Variants in NOS3 observed in about 807,000 individuals in gnomAD.
NOS3 encodes the protein nitric oxide synthase 3.
A neutral mutation model predicts 144.9 loss-of-function variants in NOS3; 98 were observed. That is an observed-to-expected ratio of 0.68 (90% confidence interval 0.57 to 0.80). The LOEUF (loss-of-function observed/expected upper bound fraction) is 0.80. Among genes scored for constraint, NOS3 ranks in the 30% least tolerant of loss-of-function variants. The probability of loss-of-function intolerance (pLI) is 0.00; values close to 1 mark genes in which losing one functional copy is unlikely to be tolerated. For synonymous variants in NOS3, 714 were observed against 702.4 expected (o/e 1.02, Z -0.26); for missense variants, 1,465 against 1,656.4 (o/e 0.88, Z 2.01).
rs1213088597 is a variant in NOS3, at chr7:150,998,230, T to C, written c.583-127T>C. On this transcript the variant is annotated intron_variant, in intron 5 of 26. Transcript: ENST00000297494. The surrounding 1 kb of genome is among the most constrained non-coding windows in gnomAD (Gnocchi z 5.0). The stretch of plus-strand genomic sequence containing the variant: ...AGGAAGGGATCAGTGTGGCTGCCAA[T>C]GGTCAGGAGGGCGCCATGGAGTGAA... 11 of 755,094 alleles carry C rather than the reference T, an allele frequency of 1.5e-5. No homozygotes were observed. The highest frequency in any genetic ancestry group is 2.7e-5 in the East Asian group (1 of 37,356). The allele number at this position is 755,094 out of a possible 1,614,324, so 46.8% of individuals were successfully genotyped here.
chr7:151,013,400 A>C (rs1415036262), intron 25 of NOS3, 21 bp downstream of exon 25: 1 of 1,602,046 alleles, frequency 6.2e-7, no homozygotes, highest in East Asian at 2.2e-5. Context: ...CTGAGGGCGC[A>C]ATGGTAACCT....
At position 151,001,758 on chromosome 7, in the gene NOS3, C is replaced by A. The variant is rs1795104108; in HGVS notation, c.1503-63C>A. 6 of 1,606,324 alleles carry A rather than the reference C, an allele frequency of 3.7e-6. No homozygotes were observed. The South Asian group carries it at 5.5e-5, about 15-fold the overall frequency. Reference sequence around the variant, plus strand: ...AAACCCTGTTGTGAGGGGGTTGGACCCTTGCCTGGGGAGGCCCTGCCTCTG... The same window carrying A: ...AAACCCTGTTGTGAGGGGGTTGGACACTTGCCTGGGGAGGCCCTGCCTCTG... On this transcript the variant is annotated intron_variant, in intron 12 of 26. Coordinates refer to ENST00000297494, the MANE Select transcript of NOS3 (RefSeq NM_000603.5).
chr7:151,009,180 C>T lies in NOS3; in HGVS notation c.2246-9C>T, dbSNP rs1459897710. 1.9e-6 allele frequency: 3 copies of T among 1,613,770 alleles called. No homozygotes were observed. The highest frequency in any genetic ancestry group is 1.3e-5 in the African/African-American group (1 of 74,904). ...TCAGGCTGCCTCATTTGCCCCTCCC[C>T]GCCCCCAGGTCTGATCCACGTGCAC... On this transcript the variant is annotated splice_polypyrimidine_tract_variant and intron_variant, in intron 18 of 26. Coordinates refer to ENST00000297494, the MANE Select transcript of NOS3 (RefSeq NM_000603.5).
At chr7:151,011,102 C>G (rs1795295747) in intron 23 of NOS3, 116 bp downstream of exon 23, 2 of 716,626 alleles carry the variant, frequency 2.8e-6, no homozygotes, top group Non-Finnish European at 4.9e-6. Flanking sequence ...TGTAACATGT[C>G]AAGGGTGTGG....
chr7:150,999,068 G>A lies in NOS3; in HGVS notation c.939G>A (p.Val313=), dbSNP rs1343615594. Reference sequence around the variant, plus strand: ...TGCCCCCCGAGCTGGTCCTTGAGGTGCCCCTGGAGCACCCCACGTGAGCAC... The same window carrying A: ...TGCCCCCCGAGCTGGTCCTTGAGGTACCCCTGGAGCACCCCACGTGAGCAC... The part of the protein sequence containing the change: ...FLLPPELVLE[V]PLEHPTLEWF... The change falls in exon 8 of 27, where the codon GTG becomes GTA. Residue 313 remains valine (V), a synonymous_variant. Transcript: ENST00000297494. The A allele has an allele frequency of 6.2e-7, 1 of 1,612,674 alleles. No homozygotes were observed. Among genetic ancestry groups the A allele is most frequent in the South Asian group, 1.1e-5 (1 of 91,078 alleles).
chr7:151,007,357 G>A, intron 17 of NOS3, 81 bp downstream of exon 17: 1 of 1,423,554 alleles, frequency 7.0e-7, no homozygotes, highest in South Asian at 1.4e-5. Flanking sequence ...ATTCTGTTTG[G>A]TTCTTTGGTC....
At position 151,014,318 on chromosome 7, in the gene NOS3, G is replaced by A. The variant is rs1478213794; in HGVS notation, c.*149G>A. Reference sequence around the variant, plus strand: ...CAAGGATTCAGCATTATTCCTCCAGGAAGGAGCAAAACGCCTCTTTTCCCT... The same window carrying A: ...CAAGGATTCAGCATTATTCCTCCAGAAAGGAGCAAAACGCCTCTTTTCCCT... On this transcript the variant is annotated 3_prime_UTR_variant, in exon 27 of 27. Transcript: ENST00000297494. The A allele has an allele frequency of 1.1e-6, 1 of 897,292 alleles. No homozygotes were observed. The highest frequency in any genetic ancestry group is 1.8e-5 in the South Asian group (1 of 55,756). 55.6% of individuals were successfully genotyped at this position (897,292 alleles called of 1,614,324 possible). A position where few individuals can be genotyped will look rare whatever the true frequency, so the allele number is the denominator to read the frequency against.
chr7:151,006,800 G>C, intron 15 of NOS3, 89 bp from the exon 16 acceptor site: 2 of 1,043,414 alleles, frequency 1.9e-6, no homozygotes, highest in South Asian at 1.3e-5. Flanking sequence ...CAGAGGCAGA[G>C]ACCCTGAAGC....
chr7:151,014,556 T>C lies in NOS3; in HGVS notation c.*387T>C, dbSNP rs762499907. ...TACCATAAGGGACTGTGCCAGATGT[T>C]AGGAGAACTACTAAAGTGCCTACCC... On this transcript the variant is annotated 3_prime_UTR_variant, in exon 27 of 27. Transcript: ENST00000297494. 3.5e-5 allele frequency: 7 copies of C among 198,708 alleles called. No homozygotes were observed. Among genetic ancestry groups the C allele is most frequent in the Non-Finnish European group, 6.1e-5 (6 of 99,088 alleles). The allele number at this position is 198,708 out of a possible 1,614,324, so 12.3% of individuals were successfully genotyped here. A position where few individuals can be genotyped will look rare whatever the true frequency, so the allele number is the denominator to read the frequency against.
In NOS3 at chr7:150,992,865, A is replaced by G. The variant is rs1205910204; in HGVS notation, c.-51-888A>G. Among the ~76,000 whole-genome samples, 3 of 152,244 alleles carry G rather than the reference A, an allele frequency of 2.0e-5. No homozygotes were observed. In the East Asian group the frequency reaches 5.8e-4, roughly 29 times the overall value. ...CCAGCCCCTCAGATGGCACAGAACTACAAACCCCAGCATGCACTCTGGCCT... is the reference window on the plus strand; with the variant it reads ...CCAGCCCCTCAGATGGCACAGAACTGCAAACCCCAGCATGCACTCTGGCCT... On this transcript the variant is annotated intron_variant, in intron 1 of 26. Coordinates refer to ENST00000297494, the MANE Select transcript of NOS3 (RefSeq NM_000603.5).
rs540435018 is a variant in NOS3, at chr7:151,011,820, G to C, written c.2985-531G>C. ...ATTACAGGTGTGAGCCACCGCGCCC[G>C]GACCGAGGGTGAAGGATTTTAAGAG... On this transcript the variant is annotated intron_variant, in intron 23 of 26. Coordinates refer to ENST00000297494, the MANE Select transcript of NOS3 (RefSeq NM_000603.5). 1,650 of 442,766 alleles carry C rather than the reference G, an allele frequency of 3.7e-3. 10 individuals carry two copies. Among genetic ancestry groups the C allele is most frequent in the Non-Finnish European group, 5.2e-3 (1,140 of 220,780 alleles). 27.4% of individuals were successfully genotyped at this position (442,766 alleles called of 1,614,324 possible).
chr7:151,014,311 C>A lies in NOS3; in HGVS notation c.*142C>A. ...GAGGCTGCAAGGATTCAGCATTATT[C>A]CTCCAGGAAGGAGCAAAACGCCTCT... On this transcript the variant is annotated 3_prime_UTR_variant, in exon 27 of 27. Transcript: ENST00000297494. 3.2e-6 allele frequency: 3 copies of A among 926,430 alleles called. No homozygotes were observed. The highest frequency in any genetic ancestry group is 4.7e-6 in the Non-Finnish European group (3 of 636,338). 57.4% of individuals were successfully genotyped at this position (926,430 alleles called of 1,614,324 possible). A position where few individuals can be genotyped will look rare whatever the true frequency, so the allele number is the denominator to read the frequency against.
chr7:150,998,695 C>T lies in NOS3; in HGVS notation c.816+15C>T. Reference sequence around the variant, plus strand: ...AGATCACCGAGGTGGGCACCGAGGGCCACCCATGAGGGTGTCCCCAAGGTG... The same window carrying T: ...AGATCACCGAGGTGGGCACCGAGGGTCACCCATGAGGGTGTCCCCAAGGTG... On this transcript the variant is annotated intron_variant, in intron 7 of 26. Coordinates refer to ENST00000297494, the MANE Select transcript of NOS3 (RefSeq NM_000603.5). The surrounding 1 kb of genome is among the most constrained non-coding windows in gnomAD (Gnocchi z 5.0). The T allele has an allele frequency of 1.3e-6, 2 of 1,598,274 alleles. No individual in the cohort carries two copies. The highest frequency in any genetic ancestry group is 1.7e-6 in the Non-Finnish European group (2 of 1,174,046).
In NOS3 at chr7:151,014,115, G is replaced by A. The variant is rs148530358; in HGVS notation, c.3558G>A (p.Arg1186=). 4.0e-4 allele frequency: 650 copies of A among 1,613,526 alleles called. 6 individuals are homozygous for A. Among genetic ancestry groups the A allele is most frequent in the South Asian group, 1.1e-3 (102 of 91,062 alleles). ...QSFSLQERQL[R]GAVPWAFDPP... ...TTTCCTTGCAGGAGCGTCAGTTGCG[G>A]GGCGCAGTGCCCTGGGCGTTCGACC... Residue 1186 remains arginine, a synonymous_variant, in exon 27 of 27, where the codon CGG becomes CGA. Transcript: ENST00000297494.
intron 17 of NOS3, among the ~76,000 whole-genome samples, chr7:151,007,661 C>T (rs1198542599): frequency 6.6e-6 from 1 of 152,202 alleles, no homozygotes; most frequent in African/African-American, 2.4e-5. Context: ...CAGACAGAGG[C>T]AAGGGCTGAA....
At chr7:151,012,051 C>G (rs1795315916) in intron 23 of NOS3, 1 of 357,846 alleles carries the variant, frequency 2.8e-6, no homozygotes, top group African/African-American at 2.1e-5. Context: ...AAAATAAACA[C>G]ACTTAGTGAA....
chr7:151,001,847 T>C lies in NOS3; in HGVS notation c.1529T>C (p.Met510Thr). 6.2e-7 allele frequency: 1 copy of C among 1,613,692 alleles called. No individual in the cohort carries two copies. Among genetic ancestry groups the C allele is most frequent in the Non-Finnish European group, 8.5e-7 (1 of 1,180,006 alleles). ...GCCGTGAAGATCTCCGCCTCGCTCA[T>C]GGGCACGGTGATGGCGAAGCGAGTG... ...ANAVKISASL[M>T]GTVMAKRVKA... is the part of the protein sequence containing the mutation. The change falls in exon 13 of 27, where the codon ATG becomes ACG. Residue 510 changes from methionine to threonine, a missense_variant. This residue lies in a region of NOS3 where 745 missense variants were observed against 853.9 expected (regional missense o/e 0.87). Transcript: ENST00000297494.
chr7:151,000,109 T>C (rs1795054191), intron 9 of NOS3, among the ~76,000 whole-genome samples: 1 of 141,480 alleles, frequency 7.1e-6, no homozygotes, highest in African/African-American at 2.6e-5. Context: ...AGTGTGTGGG[T>C]TTGTGGGTGG....
In NOS3 at chr7:150,996,797, G is replaced by A; in HGVS notation, c.454G>A (p.Glu152Lys). 1 of 1,611,224 alleles carries A rather than the reference G, an allele frequency of 6.2e-7. No homozygotes were observed. Among genetic ancestry groups the A allele is most frequent in the Non-Finnish European group, 8.5e-7 (1 of 1,179,604 alleles). ...GSQAHEQRLQ[E>K]VEAEVAATGT... ...CCAGGCCCACGAACAGCGGCTTCAA[G>A]AGGTGGAAGCCGAGGTGGCAGCCAC... is the stretch of plus-strand genomic sequence containing the variant. The change falls in exon 5 of 27, where the codon GAG becomes AAG. Residue 152 changes from glutamate to lysine, a missense_variant. By Grantham distance (56) the Glu-to-Lys change is moderately conservative. Transcript: ENST00000297494.
Sources: gnomAD v4.1 joint callset for allele counts (sites outside exome capture counted in the v4.1 genomes callset) on GRCh38, gnomAD v4.1.1 for gene constraint, gnomAD v4.1.1 regional missense constraint, Gnocchi (gnomAD v3.1) non-coding constraint, MANE v1.5 for transcripts, NCBI Gene and HGNC (gene_info 2026-07-23, HGNC 2026-07-21) for gene names.